CD200: variants seen among roughly 807,000 people sequenced by gnomAD.
CD200 encodes OX-2 membrane glycoprotein.
CD200 carries 15 observed loss-of-function variants against 30.9 expected under a neutral mutation model. The ratio of observed to expected loss-of-function variants is 0.49; its 90% CI spans 0.32 to 0.75. The LOEUF (loss-of-function observed/expected upper bound fraction) is 0.75, where lower values mean the gene tolerates loss of function less well. Among genes scored for constraint, CD200 ranks in the 30% least tolerant of loss-of-function variants. The pLI is 0.03. For missense variants in CD200, 262 were observed against 324.2 expected (o/e 0.81, Z 1.47); for synonymous variants, 134 against 126.2 (o/e 1.06, Z -0.41).
At chr3:112,334,217 T>C (rs532231962) in intron 1 of CD200, 2 of 985,070 alleles carry the variant, frequency 2.0e-6, no homozygotes, top group Non-Finnish European at 2.4e-6. Flanking sequence ...TGACTACATG[T>C]GGGGTAATGT....
chr3:112,342,049 A>G (rs1483843392), intron 2 of CD200, among the ~76,000 whole-genome samples: 1 of 151,782 alleles, frequency 6.6e-6, no homozygotes, highest in East Asian at 1.9e-4. Flanking sequence ...TTCTACTTAT[A>G]CTTGTCAACA....
At position 112,356,002 on chromosome 3, in the gene CD200, T is replaced by C. The variant is rs539003804; in HGVS notation, c.803-5541T>C. Among the ~76,000 whole-genome samples the C allele has an allele frequency of 2.0e-5, 3 of 152,308 alleles. No homozygotes were observed. The East Asian group carries it at 5.8e-4, about 29-fold the overall frequency. On this transcript the variant is annotated intron_variant, in intron 5 of 5. Coordinates refer to ENST00000315711, the MANE Select transcript of CD200 (RefSeq NM_005944.7). The stretch of plus-strand genomic sequence containing the variant: ...CAAATGAGATTTTGTACTACAAACA[T>C]GCAAGACATGTTTTGCAAAAATCAC...
chr3:112,335,919 C>T (rs779062138), intron 1 of CD200: 3 of 1,542,318 alleles, frequency 1.9e-6, no homozygotes, highest in Non-Finnish European at 2.7e-6. Flanking sequence ...TAATTTTTAT[C>T]ATCTCATTGA....
rs752912156 is a variant in CD200, at chr3:112,349,808, A to G, written c.791A>G (p.Asn264Ser). The G allele has an allele frequency of 1.2e-6, 2 of 1,609,468 alleles. No homozygotes were observed. The highest frequency in any genetic ancestry group is 2.2e-5 in the South Asian group (2 of 89,714). ...TTACTGTACTGGAAACGTCACCGGAATCAGGACCGAGGTGAGTTGTCACAG... is the reference window on the plus strand; with the variant it reads ...TTACTGTACTGGAAACGTCACCGGAGTCAGGACCGAGGTGAGTTGTCACAG... Reference protein sequence around the residue: ...SILLYWKRHRNQDREP With the variant: ...SILLYWKRHRSQDREP The change falls in exon 5 of 6, where the codon AAT becomes AGT. Residue 264 changes from asparagine to serine, a missense_variant. Asn to Ser is a conservative substitution (Grantham distance 46). Transcript: ENST00000315711.
At chr3:112,360,653 G>A (rs926087288) in intron 5 of CD200, among the ~76,000 whole-genome samples, 4 of 152,154 alleles carry the variant, frequency 2.6e-5, no homozygotes, top group South Asian at 2.1e-4. Flanking sequence ...ATATTGGGCA[G>A]GATCTAAAAT....
chr3:112,343,471 T>C (rs1292557615), intron 2 of CD200, among the ~76,000 whole-genome samples: 1 of 152,058 alleles, frequency 6.6e-6, no homozygotes. Context: ...GGCTGGCTAA[T>C]TTTTACATTT....
intron 5 of CD200, among the ~76,000 whole-genome samples, chr3:112,360,346 A>G (rs1176306298): frequency 6.6e-6 from 1 of 151,450 alleles, no homozygotes; most frequent in Non-Finnish European, 1.5e-5. Flanking sequence ...ATATATATAT[A>G]TGTATATATT....
At chr3:112,333,993 C>T in intron 1 of CD200, 1 of 985,270 alleles carries the variant, frequency 1.0e-6, no homozygotes, top group Non-Finnish European at 1.2e-6. Flanking sequence ...ACAGTGAATG[C>T]CTCAAGATAA....
rs749699954 is a variant in CD200 at position 112,345,026 on chromosome 3, G to A, written c.159G>A (p.Leu53=). The A allele has an allele frequency of 4.5e-5, 73 of 1,614,010 alleles. No individual in the cohort carries two copies. Among genetic ancestry groups the A allele is most frequent in the Non-Finnish European group, 6.1e-5 (72 of 1,179,972 alleles). The change falls in exon 3 of 6, where the codon CTG becomes CTA. Residue 53 remains leucine, a synonymous_variant. Transcript: ENST00000315711. The part of the protein sequence containing the change: ...LYTPASLKCS[L]QNAQEALIVT... ...CACCTGCTTCCTTAAAATGCTCTCT[G>A]CAAAATGCCCAGGAAGCCCTCATTG...
intron 2 of CD200, 23 bp downstream of exon 2, chr3:112,341,006 CT>C (rs2081226580): frequency 6.6e-7 from 1 of 1,507,504 alleles, no homozygotes; most frequent in African/African-American, 1.4e-5. Context: ...AATTCCCCTG[CT>C]TGGAGCCCAG....
At chr3:112,345,914 AACTG>A (rs2081377920) in intron 3 of CD200, among the ~76,000 whole-genome samples, 2 of 152,204 alleles carry the variant, frequency 1.3e-5, no homozygotes, top group Admixed American at 6.5e-5. Flanking sequence ...AATTCTTCTT[AACTG>A]ACACACAGCT....
chr3:112,353,440 T>C (rs1238803675), intron 5 of CD200, among the ~76,000 whole-genome samples: 1 of 152,150 alleles, frequency 6.6e-6, no homozygotes, highest in African/African-American at 2.4e-5. Context: ...TAGAAATATG[T>C]TTTTCATCTG....
intron 5 of CD200, among the ~76,000 whole-genome samples, chr3:112,361,180 G>A (rs1041383261): frequency 5.3e-5 from 8 of 151,676 alleles, no homozygotes; most frequent in African/African-American, 9.7e-5. Flanking sequence ...GGGACTACAG[G>A]TGCATGCCAC....
intron 3 of CD200, among the ~76,000 whole-genome samples, chr3:112,345,694 A>G (rs2081371863): frequency 6.6e-6 from 1 of 152,200 alleles, no homozygotes; most frequent in African/African-American, 2.4e-5. Context: ...GGTCACTTAC[A>G]ACTTCAACTT....
At chr3:112,342,329 CTTT>C (rs2081266555) in intron 2 of CD200, among the ~76,000 whole-genome samples, 5 of 26,460 alleles carry the variant, frequency 1.9e-4, no homozygotes, top group Non-Finnish European at 3.2e-4. Context: ...TTCTTTCTTT[CTTT>C]CTTTCCTTCT....
chr3:112,356,803 T>A (rs955935470), intron 5 of CD200, among the ~76,000 whole-genome samples: 1 of 152,258 alleles, frequency 6.6e-6, no homozygotes, highest in Non-Finnish European at 1.5e-5. Context: ...CTTAGCGATT[T>A]TGATCAAATC....
chr3:112,345,018 T>C lies in CD200; in HGVS notation c.151T>C (p.Cys51Arg). ...GCTGTACACACCTGCTTCCTTAAAA[T>C]GCTCTCTGCAAAATGCCCAGGAAGC... ...EQLYTPASLKCSLQNAQEALI... is the reference protein window; with the variant it reads ...EQLYTPASLKRSLQNAQEALI... The change falls in exon 3 of 6, where the codon TGC becomes CGC. Residue 51 changes from cysteine to arginine, a missense_variant. By Grantham distance (180) the Cys-to-Arg change is radical. Coordinates refer to ENST00000315711, the MANE Select transcript of CD200 (RefSeq NM_005944.7). 2 of 1,614,102 alleles carry C rather than the reference T, an allele frequency of 1.2e-6. No homozygotes were observed. The highest frequency in any genetic ancestry group is 1.7e-6 in the Non-Finnish European group (2 of 1,180,004).
intron 5 of CD200, among the ~76,000 whole-genome samples, chr3:112,351,525 C>T (rs934202260): frequency 1.2e-4 from 19 of 152,134 alleles, no homozygotes; most frequent in South Asian, 1.0e-3. Context: ...ATATCCGATT[C>T]TTGAAGCAAA....
intron 3 of CD200, among the ~76,000 whole-genome samples, chr3:112,346,419 T>C (rs1576606246): frequency 6.6e-6 from 1 of 152,192 alleles, no homozygotes; most frequent in Non-Finnish European, 1.5e-5. Context: ...TTTTTTTTCC[T>C]GAAAAGCAGA....
Sources: allele counts gnomAD v4.1 joint callset (sites outside exome capture counted in the v4.1 genomes callset), GRCh38; gene constraint gnomAD v4.1.1; transcripts MANE v1.5; gene names NCBI Gene and HGNC (gene_info 2026-07-23, HGNC 2026-07-21).